The following PCBP3 variants were observed in gnomAD, a reference collection of about 807,000 sequenced individuals.
The protein encoded by PCBP3 is poly(rC)-binding protein 3.
In PCBP3, 25 loss-of-function variants were observed where a neutral mutation model predicts 52.7. The observed-to-expected ratio is 0.47, with a 90% confidence interval of 0.35 to 0.66. The LOEUF is 0.66. Ranked by LOEUF, PCBP3 falls within the 30% of genes least tolerant of loss-of-function variation. PCBP3 has a pLI of 0.01. For synonymous variants in PCBP3, 162 were observed against 183.0 expected, an observed-to-expected ratio of 0.89 and a Z score of 0.93; for missense variants, 391 against 490.3, an observed-to-expected ratio of 0.80 and a Z score of 1.91.
intron 5 of PCBP3, among the ~76,000 whole-genome samples, chr21:45,879,288 G>A (rs561301955): frequency 6.6e-6 from 1 of 152,190 alleles, no homozygotes; most frequent in Non-Finnish European, 1.5e-5. Context: ...CCTGGCCAAG[G>A]AAATAGATTT....
At chr21:45,862,755 C>T (rs376437782) in intron 5 of PCBP3, among the ~76,000 whole-genome samples, 5 of 152,306 alleles carry the variant, frequency 3.3e-5, no homozygotes, top group African/African-American at 7.2e-5. Context: ...CTGTCCCCGA[C>T]GAAACCGGGC....
At chr21:45,792,359 G>A (rs1347928652) in intron 4 of PCBP3, among the ~76,000 whole-genome samples, 1 of 152,236 alleles carries the variant, frequency 6.6e-6, no homozygotes, top group Non-Finnish European at 1.5e-5. Context: ...CCAGCGTCTG[G>A]CAGTGATGAA....
At chr21:45,899,471 T>C (rs2095963657) in intron 6 of PCBP3, 128 bp from the exon 7 acceptor site, 1 of 682,174 alleles carries the variant, frequency 1.5e-6, no homozygotes, top group Non-Finnish European at 2.6e-6. Context: ...CCCTTCTTCA[T>C]GCACACCGGG....
At chr21:45,675,812 G>T (rs1178089140) in intron 2 of PCBP3, among the ~76,000 whole-genome samples, 1 of 152,102 alleles carries the variant, frequency 6.6e-6, no homozygotes, top group Non-Finnish European at 1.5e-5. Context: ...TAAAAGCAAT[G>T]GCAGGTGCTT....
rs1247611423 is a variant in PCBP3 at position 45,917,874 on chromosome 21, T to TTTCC, written c.717+247_717+250dup. ...TCTCAATTCTGCCGCAGTCCTGGGT[T>TTTCC]TTCCTCCCTCCCACGGGGCCTGGGA... On this transcript the variant is annotated intron_variant, in intron 13 of 17. Coordinates refer to ENST00000681687, the MANE Select transcript of PCBP3 (RefSeq NM_001384156.1). The surrounding 1 kb of genome is among the most constrained non-coding windows in gnomAD (Gnocchi z 5.3). 1.9e-6 allele frequency: 1 copy of TTTCC among 537,750 alleles called. No homozygotes were observed. The highest frequency in any genetic ancestry group is 3.5e-6 in the Non-Finnish European group (1 of 289,060). 33.3% of individuals were successfully genotyped at this position (537,750 alleles called of 1,614,324 possible).
chr21:45,770,478 GTGT>G (rs2089771344), intron 4 of PCBP3, among the ~76,000 whole-genome samples: 2 of 152,182 alleles, frequency 1.3e-5, no homozygotes, highest in Non-Finnish European at 2.9e-5. Context: ...ACCTTCTGCT[GTGT>G]TGTTGTGTTT....
chr21:45,668,709 A>G (rs2147231193), intron 1 of PCBP3, among the ~76,000 whole-genome samples, 165 bp from the exon 2 acceptor site: 1 of 152,326 alleles, frequency 6.6e-6, no homozygotes, highest in East Asian at 1.9e-4. Flanking sequence ...TTCTAAAAAA[A>G]AAGTTGATTT....
intron 1 of PCBP3, among the ~76,000 whole-genome samples, chr21:45,644,963 A>T (rs2079160262): frequency 6.6e-6 from 1 of 152,226 alleles, no homozygotes; most frequent in African/African-American, 2.4e-5. Flanking sequence ...TTCCCTATTT[A>T]AGAGAACTAA....
At chr21:45,924,941 G>A (rs530636879) in intron 13 of PCBP3, among the ~76,000 whole-genome samples, 14 of 44,774 alleles carry the variant, frequency 3.1e-4, no homozygotes, top group African/African-American at 1.0e-3. Flanking sequence ...TCGGGTGTGC[G>A]TGAGGAGATG....
At chr21:45,855,182 C>T (rs1242499070) in intron 5 of PCBP3, among the ~76,000 whole-genome samples, 1 of 152,186 alleles carries the variant, frequency 6.6e-6, no homozygotes, top group Non-Finnish European at 1.5e-5. Flanking sequence ...TCTGCGCTTT[C>T]CCACAGCTGA....
intron 1 of PCBP3, among the ~76,000 whole-genome samples, chr21:45,667,598 T>C (rs1192409306): frequency 6.6e-6 from 1 of 152,186 alleles, no homozygotes; most frequent in African/African-American, 2.4e-5. Flanking sequence ...CCTTTAGACA[T>C]GGCTTCCTTT....
chr21:45,919,958 C>T (rs997889191), intron 13 of PCBP3, among the ~76,000 whole-genome samples: 5 of 152,146 alleles, frequency 3.3e-5, no homozygotes, highest in Admixed American at 6.5e-5. Context: ...GAGTCAGAGG[C>T]GACTTTCTGG....
intron 9 of PCBP3, among the ~76,000 whole-genome samples, chr21:45,903,260 CTCGTGGCCAGGGTT>C (rs1278115286): frequency 2.6e-5 from 4 of 152,140 alleles, no homozygotes; most frequent in East Asian, 1.9e-4. Flanking sequence ...TAGTTTCTCC[CTCGTGGCCAGGGTT>C]TCGTGGCCAG....
At chr21:45,739,559 A>C (rs1216716762) in intron 3 of PCBP3, among the ~76,000 whole-genome samples, 42 of 69,678 alleles carry the variant, frequency 6.0e-4, no homozygotes, top group African/African-American at 1.1e-3. Flanking sequence ...TCATCAGCCC[A>C]TCCTTCCTGT....
Position 45,829,872 on chromosome 21 carries a change from A to T in PCBP3, c.-125-20089A>T, listed in dbSNP as rs1464666550. On this transcript the variant is annotated intron_variant, in intron 4 of 17. Coordinates refer to ENST00000681687, the MANE Select transcript of PCBP3 (RefSeq NM_001384156.1). This position sits in a 1 kb window ranked among gnomAD's most constrained non-coding sequence, Gnocchi z 5.2. ...GATGCAGCTCTAGGGCAGTGCAGGCATGTTCTTCAAGTGGGCCCTCATCCT... is the reference window on the plus strand; with the variant it reads ...GATGCAGCTCTAGGGCAGTGCAGGCTTGTTCTTCAAGTGGGCCCTCATCCT... 6.6e-6 allele frequency: 1 copy of T among 152,614 alleles called. No individual in the cohort carries two copies. Among genetic ancestry groups the T allele is most frequent in the African/African-American group, 2.4e-5 (1 of 41,448 alleles). 9.5% of individuals were successfully genotyped at this position (152,614 alleles called of 1,614,324 possible).
At chr21:45,720,051 T>C (rs2084510548) in intron 2 of PCBP3, among the ~76,000 whole-genome samples, 1 of 152,150 alleles carries the variant, frequency 6.6e-6, no homozygotes, top group African/African-American at 2.4e-5. Context: ...CAGTGCTGCT[T>C]GTACTTTATT....
intron 4 of PCBP3, among the ~76,000 whole-genome samples, chr21:45,822,398 CAACCATAGCAAG>C (rs1296005049): frequency 1.3e-5 from 2 of 152,212 alleles, no homozygotes; most frequent in Non-Finnish European, 2.9e-5. Context: ...AGCTATAAAT[CAACCATAGCAAG>C]AACTGATCTC....
rs545983425 is a variant in PCBP3 at position 45,932,247 on chromosome 21, G to A, written c.856+1402G>A. On this transcript the variant is annotated intron_variant, in intron 15 of 17. Coordinates refer to ENST00000681687, the MANE Select transcript of PCBP3 (RefSeq NM_001384156.1). The stretch of plus-strand genomic sequence containing the variant: ...GATGAACGAACACCTGGGCCTTGCC[G>A]TCCTGAGATGGATGGACACCTGGTC... 1.1e-4 allele frequency among the ~76,000 whole-genome samples: 17 copies of A among 151,030 alleles called. 1 individual carries two copies. Among genetic ancestry groups the A allele is most frequent in the South Asian group, 4.2e-4 (2 of 4,754 alleles).
intron 3 of PCBP3, among the ~76,000 whole-genome samples, chr21:45,743,618 G>T (rs1196079417): frequency 3.3e-5 from 5 of 152,112 alleles, no homozygotes; most frequent in African/African-American, 9.7e-5. Context: ...CTAGAATAAG[G>T]GTTAATAATA....
Sources: allele counts gnomAD v4.1 joint callset (sites outside exome capture counted in the v4.1 genomes callset), GRCh38; gene constraint gnomAD v4.1.1; non-coding constraint Gnocchi (gnomAD v3.1); transcripts MANE v1.5; gene names NCBI Gene and HGNC (gene_info 2026-07-23, HGNC 2026-07-21).